Variants in WWC2 observed in about 807,000 individuals in gnomAD.
The protein encoded by WWC2 is WW and C2 domain containing 2.
Under a neutral mutation model 138.5 loss-of-function variants are expected in WWC2, and 101 were observed. That is an observed-to-expected ratio of 0.73 (90% CI 0.62 to 0.86). The LOEUF (loss-of-function observed/expected upper bound fraction) is 0.86. WWC2 is among the 40% of genes least tolerant of loss of function. WWC2 has a pLI of 0.00. For missense variants in WWC2, 1,420 were observed against 1,419.4 expected, an observed-to-expected ratio of 1.00 and a Z score of -0.01; for synonymous variants, 558 against 538.4, an observed-to-expected ratio of 1.04 and a Z score of -0.50.
chr4:183,167,130 T>C (rs907318447), intron 1 of WWC2, among the ~76,000 whole-genome samples: 1 of 152,214 alleles, frequency 6.6e-6, no homozygotes, highest in Admixed American at 6.5e-5. Flanking sequence ...AATTTTCATA[T>C]GGCCACGGAG....
chr4:183,187,483 G>A (rs1053121659), intron 1 of WWC2, among the ~76,000 whole-genome samples: 15 of 151,504 alleles, frequency 9.9e-5, no homozygotes, highest in Admixed American at 9.9e-4. Flanking sequence ...AACCTGGGAG[G>A]CGGAGGTTGC....
chr4:183,206,434 C>T (rs555477198), intron 2 of WWC2, among the ~76,000 whole-genome samples: 3 of 152,216 alleles, frequency 2.0e-5, no homozygotes, highest in South Asian at 4.1e-4. Flanking sequence ...CTGCTAGAGA[C>T]GAGATCTTAA....
intron 1 of WWC2, among the ~76,000 whole-genome samples, chr4:183,125,335 GT>G (rs1732727547): frequency 6.6e-6 from 1 of 152,036 alleles, no homozygotes; most frequent in African/African-American, 2.4e-5. Flanking sequence ...CATCTGTCCT[GT>G]TTTGTTATTG....
chr4:183,157,309 C>T (rs1449264070), intron 1 of WWC2, among the ~76,000 whole-genome samples: 3 of 152,134 alleles, frequency 2.0e-5, no homozygotes, highest in African/African-American at 4.8e-5. Flanking sequence ...GGCTGAAGTA[C>T]GCTGTGTCCT....
At chr4:183,297,119 CAGA>C (rs1738657998) in intron 21 of WWC2, among the ~76,000 whole-genome samples, 2 of 150,710 alleles carry the variant, frequency 1.3e-5, no homozygotes, top group Admixed American at 1.3e-4. Flanking sequence ...GGACCACAGG[CAGA>C]CACCACCACA....
chr4:183,120,788 G>C (rs1211067385), intron 1 of WWC2, among the ~76,000 whole-genome samples: 1 of 152,188 alleles, frequency 6.6e-6, no homozygotes, highest in Non-Finnish European at 1.5e-5. Flanking sequence ...GGCTGGTCTT[G>C]CTTTGTGGCC....
At chr4:183,247,775 C>T (rs1465396839) in intron 6 of WWC2, among the ~76,000 whole-genome samples, 1 of 131,610 alleles carries the variant, frequency 7.6e-6, no homozygotes, top group Non-Finnish European at 1.6e-5. Context: ...AATATATATA[C>T]TATATATATA....
At chr4:183,194,261 T>C (rs1402967251) in intron 2 of WWC2, among the ~76,000 whole-genome samples, 1 of 152,206 alleles carries the variant, frequency 6.6e-6, no homozygotes, top group Non-Finnish European at 1.5e-5. Flanking sequence ...ATCTGTCATA[T>C]CTCTGACATG....
At chr4:183,139,395 G>A (rs1205989782) in intron 1 of WWC2, among the ~76,000 whole-genome samples, 1 of 152,092 alleles carries the variant, frequency 6.6e-6, no homozygotes, top group African/African-American at 2.4e-5. Flanking sequence ...GATGTCTAGT[G>A]GGCCCCCTCA....
At chr4:183,295,276 A>G (rs925083580) in intron 21 of WWC2, among the ~76,000 whole-genome samples, 2 of 152,150 alleles carry the variant, frequency 1.3e-5, no homozygotes, top group Non-Finnish European at 2.9e-5. Context: ...GTTCCATCCA[A>G]CCTTGGAGAA....
At chr4:183,240,003 T>G (rs561358152) in intron 4 of WWC2, among the ~76,000 whole-genome samples, 180 bp from the exon 5 acceptor site, 13 of 152,360 alleles carry the variant, frequency 8.5e-5, no homozygotes, top group African/African-American at 3.1e-4. Flanking sequence ...CTGATAGTTT[T>G]AAACATCATT....
At chr4:183,242,462 C>T (rs1393465196) in intron 5 of WWC2, among the ~76,000 whole-genome samples, 2 of 152,120 alleles carry the variant, frequency 1.3e-5, no homozygotes, top group Admixed American at 1.3e-4. Context: ...TGGCATTGTT[C>T]TCTACGTTAT....
At chr4:183,269,589 G>C (rs754313240) in intron 15 of WWC2, 2 of 450,584 alleles carry the variant, frequency 4.4e-6, no homozygotes, top group African/African-American at 4.0e-5. Context: ...TTCAGATAAG[G>C]AGCTGCTTAG....
chr4:183,253,741 A>T lies in WWC2; in HGVS notation c.954-16A>T, dbSNP rs150936913. 8.7e-4 allele frequency: 1,393 copies of T among 1,599,766 alleles called. 9 individuals carry two copies. The African/African-American group carries it at 0.017, about 20-fold the overall frequency. ...TTTTAAGTATGTGCATACCTCTTCT[A>T]TCTTTTTTTTTTTAGTATGGCCAAC... On this transcript the variant is annotated splice_polypyrimidine_tract_variant and intron_variant, in intron 8 of 22. Transcript: ENST00000403733.
At position 183,253,887 on chromosome 4, in the gene WWC2, A is replaced by C. The variant is rs1306818792; in HGVS notation, c.1084A>C (p.Thr362Pro). Residue 362 changes from threonine to proline, a missense_variant, in exon 9 of 23, where the codon ACC becomes CCC. By Grantham distance (38) the Thr-to-Pro change is conservative (BLOSUM62 -1). Coordinates refer to ENST00000403733, the MANE Select transcript of WWC2 (RefSeq NM_024949.6). ...EELLKELQFV[T>P]PQKRTQDELE... ...ACTTTTGAAAGAGCTTCAGTTCGTC[A>C]CCCCACAGAAACGTACCCAAGATGA... The C allele has an allele frequency of 1.2e-6, 2 of 1,613,734 alleles. No homozygotes were observed. Among genetic ancestry groups the C allele is most frequent in the Non-Finnish European group, 1.7e-6 (2 of 1,179,848 alleles).
chr4:183,245,679 T>G, intron 6 of WWC2, 134 bp downstream of exon 6: 21 of 949,988 alleles, frequency 2.2e-5, no homozygotes, highest in Non-Finnish European at 2.3e-5. Context: ...GAATGGGCCC[T>G]GTGGAGATTG....
intron 6 of WWC2, among the ~76,000 whole-genome samples, chr4:183,247,188 GCA>G (rs1189245784): frequency 2.0e-5 from 3 of 151,358 alleles, no homozygotes; most frequent in African/African-American, 4.9e-5. Flanking sequence ...GCATGCACGC[GCA>G]CACACACACA....
intron 4 of WWC2, among the ~76,000 whole-genome samples, chr4:183,225,078 A>G (rs1482383303): frequency 2.6e-5 from 4 of 151,874 alleles, no homozygotes; most frequent in Non-Finnish European, 5.9e-5. Flanking sequence ...TTTTTTTTGC[A>G]CTAGACCTGG....
chr4:183,187,256 A>G (rs1004306264), intron 1 of WWC2, among the ~76,000 whole-genome samples: 1 of 152,072 alleles, frequency 6.6e-6, no homozygotes, highest in African/African-American at 2.4e-5. Flanking sequence ...TTAAATCTGT[A>G]AAAAACGGGA....
Sources: allele counts gnomAD v4.1 joint callset (sites outside exome capture counted in the v4.1 genomes callset), GRCh38; gene constraint gnomAD v4.1.1; transcripts MANE v1.5; gene names NCBI Gene and HGNC (gene_info 2026-07-23, HGNC 2026-07-21).